The following KTN1 variants were observed in gnomAD, a reference collection of about 807,000 sequenced individuals.
KTN1 encodes kinectin.
A neutral mutation model predicts 222.5 loss-of-function variants in KTN1; 130 were observed. The observed-to-expected ratio is 0.58, with a 90% CI of 0.51 to 0.68. The LOEUF (loss-of-function observed/expected upper bound fraction) is 0.68, where lower values mean the gene tolerates loss of function less well. Ranked by LOEUF, KTN1 falls within the 30% of genes least tolerant of loss-of-function variation. The pLI is 0.00. For missense variants in KTN1, 1,508 were observed against 1,500.4 expected (o/e 1.01, Z -0.08); for synonymous variants, 512 against 496.3 (o/e 1.03, Z -0.42).
At chr14:55,635,462 A>G (rs1425685120) in intron 9 of KTN1, among the ~76,000 whole-genome samples, 1 of 152,182 alleles carries the variant, frequency 6.6e-6, no homozygotes, top group African/African-American at 2.4e-5. Flanking sequence ...TTGCTTCAGC[A>G]CAAGACTAAG....
At chr14:55,599,314 A>ATT (rs1434902847) in intron 1 of KTN1, among the ~76,000 whole-genome samples, 1 of 151,878 alleles carries the variant, frequency 6.6e-6, no homozygotes, top group Non-Finnish European at 1.5e-5. Context: ...ACTCTTGTTT[A>ATT]TTTTGACTGG....
At chr14:55,643,781 T>C (rs1282287967) in intron 18 of KTN1, among the ~76,000 whole-genome samples, 1 of 152,214 alleles carries the variant, frequency 6.6e-6, no homozygotes, top group East Asian at 1.9e-4. Flanking sequence ...TAATACCTTA[T>C]GTAAAATTCC....
rs758511136 is a variant in KTN1 at position 55,637,238 on chromosome 14, GAGTCTGCAT to G, written c.1594_1602del (p.Leu532_Ser534del). Reference sequence around the variant, plus strand: ...TTGTGGCCAAAGAAAATGAAGTACAGAGTCTGCATAGTAAGCTTACAGATACCTTGGTAT... The same window carrying G: ...TTGTGGCCAAAGAAAATGAAGTACAGAGTAAGCTTACAGATACCTTGGTAT... On this transcript the variant is annotated inframe_deletion, in exon 11 of 44. Coordinates refer to ENST00000395314, the MANE Select transcript of KTN1 (RefSeq NM_001079521.2). 6.2e-7 allele frequency: 1 copy of G among 1,609,732 alleles called. No individual in the cohort carries two copies. Among genetic ancestry groups the G allele is most frequent in the South Asian group, 1.1e-5 (1 of 90,346 alleles).
chr14:55,618,699 GA>G, intron 4 of KTN1, among the ~76,000 whole-genome samples: 1 of 152,252 alleles, frequency 6.6e-6, no homozygotes, highest in Admixed American at 6.5e-5. Context: ...AAAATGTCAG[GA>G]TGGTTTGCAT....
At chr14:55,608,528 G>A (rs1262999313) in intron 1 of KTN1, among the ~76,000 whole-genome samples, 2 of 151,600 alleles carry the variant, frequency 1.3e-5, no homozygotes, top group Non-Finnish European at 2.9e-5. Context: ...AGTGTTCATG[G>A]TTTTAATACC....
At chr14:55,640,306 A>G (rs1293736216) in intron 14 of KTN1, 68 bp from the exon 15 acceptor site, 1 of 1,107,714 alleles carries the variant, frequency 9.0e-7, no homozygotes, top group African/African-American at 1.6e-5. Flanking sequence ...CTTTTGTAGA[A>G]AAGATGCTTT....
intron 38 of KTN1, 60 bp from the exon 39 acceptor site, chr14:55,672,866 TGTG>T (rs1247648511): frequency 2.4e-5 from 32 of 1,332,560 alleles, no homozygotes; most frequent in Non-Finnish European, 3.0e-5. Context: ...AATTTTGTCT[TGTG>T]GGGAAATATT....
intron 1 of KTN1, among the ~76,000 whole-genome samples, chr14:55,595,652 T>C (rs1594745263): frequency 6.6e-6 from 1 of 152,214 alleles, no homozygotes; most frequent in Non-Finnish European, 1.5e-5. Context: ...TTGTCAACTT[T>C]GGGATATTAT....
chr14:55,606,668 T>C (rs1198067332), intron 1 of KTN1, among the ~76,000 whole-genome samples: 1 of 152,166 alleles, frequency 6.6e-6, no homozygotes, highest in Non-Finnish European at 1.5e-5. Flanking sequence ...CCTCAGTTTT[T>C]TCTCATAATG....
At position 55,619,302 on chromosome 14, in the gene KTN1, C is replaced by T; in HGVS notation, c.953C>T (p.Ala318Val). 2 of 1,613,284 alleles carry T rather than the reference C, an allele frequency of 1.2e-6. No homozygotes were observed. ...LKEKSGVIQDALKKSSKGELT... is the reference protein window; with the variant it reads ...LKEKSGVIQDVLKKSSKGELT... The stretch of plus-strand genomic sequence containing the variant: ...GAGAAGTCTGGTGTAATACAAGATG[C>T]TTTAAAGAAGGTAAGCGTGTTTTTT... The change falls in exon 5 of 44, where the codon GCT (alanine) becomes GTT (valine). Residue 318 changes from alanine to valine, a missense_variant. Ala to Val is a moderately conservative substitution (Grantham distance 64, BLOSUM62 0). Coordinates refer to ENST00000395314, the MANE Select transcript of KTN1 (RefSeq NM_001079521.2).
rs763498796 is a variant in KTN1, at chr14:55,630,011, C to T, written c.1135C>T (p.Arg379Ter). The change falls in exon 7 of 44, where the codon CGA (arginine) becomes TGA (stop). Residue 379 changes from arginine (R) to a stop codon, truncating the protein, a stop_gained. Coordinates refer to ENST00000395314, the MANE Select transcript of KTN1 (RefSeq NM_001079521.2). LOFTEE classifies it high-confidence loss of function. Reference sequence around the variant, plus strand: ...TGTGGTTATAACAAGGATGAAAGATCGAATTGGAACATTAGAAAAGGAACA... The same window carrying T: ...TGTGGTTATAACAAGGATGAAAGATTGAATTGGAACATTAGAAAAGGAACA... ...SNVVITRMKD[R>*]IGTLEKEHNV... is the part of the protein sequence containing the mutation. 6.3e-7 allele frequency: 1 copy of T among 1,599,828 alleles called. No homozygotes were observed.
intron 5 of KTN1, among the ~76,000 whole-genome samples, chr14:55,624,433 C>CA (rs762899526): frequency 7.9e-5 from 12 of 152,148 alleles, no homozygotes; most frequent in Non-Finnish European, 1.5e-4. Context: ...ATTGTGGTGA[C>CA]AGTGGTTTTT....
intron 24 of KTN1, chr14:55,651,151 C>A: frequency 2.6e-6 from 1 of 378,884 alleles, no homozygotes; most frequent in South Asian, 2.0e-5. Flanking sequence ...CTCATAGATT[C>A]ATTCAGCAAT....
intron 12 of KTN1, among the ~76,000 whole-genome samples, chr14:55,638,245 A>G (rs1486916089): frequency 6.6e-6 from 1 of 151,960 alleles, no homozygotes; most frequent in Non-Finnish European, 1.5e-5. Context: ...CATAGATCAC[A>G]GATTATATTT....
In KTN1 at chr14:55,612,511, C is replaced by G; in HGVS notation, c.463C>G (p.Pro155Ala). The change falls in exon 2 of 44, where the codon CCC becomes GCC. Residue 155 changes from proline (P) to alanine (A), a missense_variant. Transcript: ENST00000395314. ...CCCAGTTACTAAACAGCCCACCCCT[C>G]CCTCTGAAGCAGCTGCCTCGAAGAA... is the stretch of plus-strand genomic sequence containing the variant. ...PVPVTKQPTP[P>A]SEAAASKKKP... 1.9e-6 allele frequency: 3 copies of G among 1,607,886 alleles called. No individual in the cohort carries two copies. Among genetic ancestry groups the G allele is most frequent in the Non-Finnish European group, 2.5e-6 (3 of 1,178,554 alleles).
intron 41 of KTN1, 57 bp downstream of exon 41, chr14:55,675,975 C>G: frequency 2.7e-6 from 3 of 1,119,020 alleles, no homozygotes; most frequent in Non-Finnish European, 4.0e-6. Flanking sequence ...TGTGTTCAAT[C>G]TTAAGCAAAC....
chr14:55,639,493 G>A (rs1951889), intron 13 of KTN1, among the ~76,000 whole-genome samples: 43,217 of 151,236 alleles, frequency 0.29, 6,218 homozygotes, highest in East Asian at 0.33. Context: ...CAATTATGTG[G>A]AAGAGGTAAT....
chr14:55,653,529 C>G lies in KTN1; in HGVS notation c.2764-30C>G, dbSNP rs760075097. ...CCTACAACATAACATTTAATGCTAA[C>G]AGCATTAAAAATATGATTCTGTTTC... is the stretch of plus-strand genomic sequence containing the variant. On this transcript the variant is annotated intron_variant, in intron 27 of 43. Transcript: ENST00000395314. 3.1e-5 allele frequency: 49 copies of G among 1,564,342 alleles called. No homozygotes were observed. The Middle Eastern group carries it at 8.4e-4, about 27-fold the overall frequency.
chr14:55,679,729 A>G (rs752665343), intron 43 of KTN1, 44 bp downstream of exon 43: 3 of 1,584,992 alleles, frequency 1.9e-6, no homozygotes, highest in Non-Finnish European at 2.6e-6. Flanking sequence ...AATTGATGTT[A>G]TGTGTCTGTG....
Sources: gnomAD v4.1 joint callset for allele counts (sites outside exome capture counted in the v4.1 genomes callset) on GRCh38, gnomAD v4.1.1 for gene constraint, MANE v1.5 for transcripts, NCBI Gene and HGNC (gene_info 2026-07-23, HGNC 2026-07-21) for gene names.